SMYD1: variants seen among roughly 807,000 people sequenced by gnomAD.
SMYD1 encodes SET and MYND domain containing 1.
SMYD1 carries 49 observed loss-of-function variants against 54.0 expected under a neutral mutation model. The ratio of observed to expected loss-of-function variants is 0.91; its 90% confidence interval spans 0.72 to 1.15. The LOEUF (loss-of-function observed/expected upper bound fraction) is 1.15, where lower values mean the gene tolerates loss of function less well. Among genes scored for constraint, SMYD1 ranks in the 50% most tolerant of loss-of-function variants. The pLI, the probability that SMYD1 is intolerant of heterozygous loss-of-function variation, is 0.00. For synonymous variants in SMYD1, 269 were observed against 234.2 expected (o/e 1.15, Z -1.36); for missense variants, 653 against 639.6 (o/e 1.02, Z -0.23).
At chr2:88,105,941 AAT>A (rs34574339) in intron 7 of SMYD1, among the ~76,000 whole-genome samples, 1 of 151,126 alleles carries the variant, frequency 6.6e-6, no homozygotes, top group African/African-American at 2.4e-5. Flanking sequence ...CTTGTCTCGA[AAT>A]ATATATATAT....
At chr2:88,077,039 T>C (rs1463229259) in intron 1 of SMYD1, among the ~76,000 whole-genome samples, 1 of 147,482 alleles carries the variant, frequency 6.8e-6, no homozygotes, top group Non-Finnish European at 1.5e-5. Flanking sequence ...GACACTTCCC[T>C]CTAATTTTTG....
chr2:88,074,008 A>G (rs1440313460), intron 1 of SMYD1, among the ~76,000 whole-genome samples: 1 of 152,200 alleles, frequency 6.6e-6, no homozygotes, highest in East Asian at 1.9e-4. Context: ...TTGTGGAAAG[A>G]ATCAGGGAGG....
intron 1 of SMYD1, among the ~76,000 whole-genome samples, chr2:88,077,348 G>A (rs1281423870): frequency 6.6e-6 from 1 of 152,256 alleles, no homozygotes; most frequent in Non-Finnish European, 1.5e-5. Context: ...CAAGCAGGTG[G>A]GCCTTGTAGC....
At chr2:88,086,791 T>G (rs1300300173) in intron 2 of SMYD1, among the ~76,000 whole-genome samples, 1 of 152,128 alleles carries the variant, frequency 6.6e-6, no homozygotes, top group Non-Finnish European at 1.5e-5. Flanking sequence ...ATGAAATTTA[T>G]TTTAGGAGAT....
intron 6 of SMYD1, among the ~76,000 whole-genome samples, chr2:88,097,818 C>T (rs1674628576): frequency 6.6e-6 from 1 of 151,814 alleles, no homozygotes; most frequent in African/African-American, 2.4e-5. Context: ...CACACACACA[C>T]ACACATGCAC....
intron 5 of SMYD1, among the ~76,000 whole-genome samples, chr2:88,093,774 C>T (rs113064552): frequency 1.8e-4 from 27 of 152,264 alleles, no homozygotes; most frequent in African/African-American, 5.5e-4. Flanking sequence ...CTCCTTTCTT[C>T]CTCCCTTTCA....
intron 2 of SMYD1, among the ~76,000 whole-genome samples, chr2:88,087,546 AC>A (rs1231261970): frequency 1.3e-5 from 2 of 151,430 alleles, no homozygotes; most frequent in East Asian, 3.9e-4. Context: ...CAGCTCCTCC[AC>A]CCCTTCCAAT....
chr2:88,068,491 C>T (rs1558844292), intron 1 of SMYD1, among the ~76,000 whole-genome samples: 1 of 152,166 alleles, frequency 6.6e-6, no homozygotes, highest in Non-Finnish European at 1.5e-5. Flanking sequence ...TCCCAGTCCC[C>T]TCTGTCTTTC....
At chr2:88,069,464 T>C (rs1448349290) in intron 1 of SMYD1, among the ~76,000 whole-genome samples, 1 of 151,902 alleles carries the variant, frequency 6.6e-6, no homozygotes, top group Non-Finnish European at 1.5e-5. Context: ...AGGGGAGGGG[T>C]GAGTACAGTT....
intron 8 of SMYD1, among the ~76,000 whole-genome samples, chr2:88,107,451 T>C (rs1674904828): frequency 6.6e-6 from 1 of 152,310 alleles, no homozygotes; most frequent in East Asian, 1.9e-4. Flanking sequence ...TAAATTATTT[T>C]TTTCTCCCTT....
chr2:88,109,732 T>C (rs964696638), intron 9 of SMYD1, among the ~76,000 whole-genome samples: 11 of 152,124 alleles, frequency 7.2e-5, no homozygotes, highest in African/African-American at 2.7e-4. Context: ...AATAATATAT[T>C]AGCCCCTTAA....
intron 9 of SMYD1, among the ~76,000 whole-genome samples, chr2:88,110,126 A>C (rs368104039): frequency 6.6e-6 from 1 of 150,498 alleles, no homozygotes; most frequent in East Asian, 2.0e-4. Context: ...TCCTTCAGCT[A>C]CTCTCTCAGG....
intron 1 of SMYD1, among the ~76,000 whole-genome samples, chr2:88,084,110 CAAAAA>C (rs555005304): frequency 6.9e-6 from 1 of 143,948 alleles, no homozygotes. Flanking sequence ...AACTCTGTCT[CAAAAA>C]AAAAAAATTG....
At chr2:88,080,812 A>C (rs1017184545) in intron 1 of SMYD1, among the ~76,000 whole-genome samples, 1 of 152,248 alleles carries the variant, frequency 6.6e-6, no homozygotes, top group Admixed American at 6.5e-5. Context: ...TGCTACCTTG[A>C]AAACCATCAG....
In SMYD1 at chr2:88,104,036, G is replaced by A. The variant is rs565913586; in HGVS notation, c.981+886G>A. Among the ~76,000 whole-genome samples the A allele has an allele frequency of 8.0e-5, 12 of 149,142 alleles. No homozygotes were observed. The East Asian group carries it at 1.2e-3, about 15-fold the overall frequency. On this transcript the variant is annotated intron_variant, in intron 7 of 9. Transcript: ENST00000419482. Reference sequence around the variant, plus strand: ...GGCTGGAGTGCAGTGGCACGATTTCGGCTCACTGCAAGCTCTGCCTCCCAG... The same window carrying A: ...GGCTGGAGTGCAGTGGCACGATTTCAGCTCACTGCAAGCTCTGCCTCCCAG...
Position 88,067,833 on chromosome 2 carries a change from A to G in SMYD1, c.-32A>G, listed in dbSNP as rs999479686. On this transcript the variant is annotated 5_prime_UTR_variant, in exon 1 of 10. Coordinates refer to ENST00000419482, the MANE Select transcript of SMYD1 (RefSeq NM_198274.4). Reference sequence around the variant, plus strand: ...GACAAGAGACTTGGCTCAGTGTTAAATAACTGCCGCGCTGGCCTGACAGTC... The same window carrying G: ...GACAAGAGACTTGGCTCAGTGTTAAGTAACTGCCGCGCTGGCCTGACAGTC... 7.5e-6 allele frequency: 12 copies of G among 1,607,424 alleles called. No homozygotes were observed. The highest frequency in any genetic ancestry group is 1.1e-5 in the South Asian group (1 of 90,290).
At chr2:88,086,620 G>A (rs533178770) in intron 2 of SMYD1, among the ~76,000 whole-genome samples, 105 of 152,220 alleles carry the variant, frequency 6.9e-4, no homozygotes, top group Non-Finnish European at 1.6e-4. Context: ...TGGCTGCCTC[G>A]AGGCCTCCGC....
chr2:88,110,762 C>A lies in SMYD1; in HGVS notation c.*250C>A. 1 of 408,132 alleles carries A rather than the reference C, an allele frequency of 2.5e-6. No individual in the cohort carries two copies. Among genetic ancestry groups the A allele is most frequent in the Admixed American group, 4.5e-5 (1 of 22,366 alleles). 25.3% of individuals were successfully genotyped at this position (408,132 alleles called of 1,614,324 possible). ...TTATTGGATGATAGGCCCTAGAACC[C>A]AATAAAGGAGCTCCAAATGTCGTTG... On this transcript the variant is annotated 3_prime_UTR_variant, in exon 10 of 10. Coordinates refer to ENST00000419482, the MANE Select transcript of SMYD1 (RefSeq NM_198274.4).
intron 6 of SMYD1, among the ~76,000 whole-genome samples, chr2:88,098,662 AT>A (rs1558856199): frequency 6.6e-6 from 1 of 152,246 alleles, no homozygotes; most frequent in Non-Finnish European, 1.5e-5. Context: ...AAGAAGAATT[AT>A]GAGGCCTGTG....
Sources: gnomAD v4.1 joint callset for allele counts (sites outside exome capture counted in the v4.1 genomes callset) on GRCh38, gnomAD v4.1.1 for gene constraint, MANE v1.5 for transcripts, NCBI Gene and HGNC (gene_info 2026-07-23, HGNC 2026-07-21) for gene names.